Variants in CTNNA3 observed in about 807,000 individuals in gnomAD.
CTNNA3 encodes the protein catenin alpha-3.
Under a neutral mutation model 95.7 loss-of-function variants are expected in CTNNA3, and 76 were observed. That is an observed-to-expected ratio of 0.79 (90% CI 0.66 to 0.96). The LOEUF is 0.96. CTNNA3 is among the 40% of genes least tolerant of loss of function. The probability of loss-of-function intolerance (pLI) is 0.00; values close to 1 mark genes in which losing one functional copy is unlikely to be tolerated. For missense variants in CTNNA3, 1,191 were observed against 1,089.8 expected, an observed-to-expected ratio of 1.09 and a Z score of -1.31; for synonymous variants, 431 against 374.4, an observed-to-expected ratio of 1.15 and a Z score of -1.74.
intron 3 of CTNNA3, among the ~76,000 whole-genome samples, chr10:67,547,404 T>C (rs766805074): frequency 6.6e-6 from 1 of 152,200 alleles, no homozygotes; most frequent in Non-Finnish European, 1.5e-5. Flanking sequence ...CAAAGTTCTA[T>C]TCATCAAGAG....
chr10:67,220,838 C>T (rs984135399), intron 5 of CTNNA3, among the ~76,000 whole-genome samples: 13 of 152,074 alleles, frequency 8.5e-5, no homozygotes, highest in African/African-American at 2.9e-4. Context: ...ACATGGATAT[C>T]ATGTACCCCT....
At chr10:67,655,229 C>T (rs1183150093) in intron 1 of CTNNA3, among the ~76,000 whole-genome samples, 1 of 152,186 alleles carries the variant, frequency 6.6e-6, no homozygotes, top group Non-Finnish European at 1.5e-5. Flanking sequence ...CTATTCTGAT[C>T]ATGTCAACAA....
intron 12 of CTNNA3, among the ~76,000 whole-genome samples, chr10:66,297,152 G>A (rs2091792608): frequency 6.6e-6 from 1 of 152,050 alleles, no homozygotes; most frequent in South Asian, 2.1e-4. Flanking sequence ...GAGAAGAATG[G>A]CAGTAGATGT....
chr10:66,687,812 C>T (rs1847356842), intron 9 of CTNNA3, among the ~76,000 whole-genome samples: 1 of 151,860 alleles, frequency 6.6e-6, no homozygotes, highest in East Asian at 1.9e-4. Flanking sequence ...ATCTTCTAGA[C>T]TCTATATTCT....
rs186049060 is a variant in CTNNA3 at position 66,675,419 on chromosome 10, G to A, written c.1282-53635C>T. ...GGTTTAACTTCCCATCCTAAAGCTG[G>A]AAATTATATTTTGGATCTTGAAAAT... On this transcript the variant is annotated intron_variant, in intron 9 of 17. Coordinates refer to ENST00000433211, the MANE Select transcript of CTNNA3 (RefSeq NM_013266.4). 8.9e-3 allele frequency among the ~76,000 whole-genome samples: 1,359 copies of A among 151,992 alleles called. 11 individuals carry two copies. The highest frequency in any genetic ancestry group is 0.045 in the South Asian group (214 of 4,806).
At chr10:67,110,737 A>G (rs1858875319) in intron 7 of CTNNA3, among the ~76,000 whole-genome samples, 1 of 152,186 alleles carries the variant, frequency 6.6e-6, no homozygotes, top group Non-Finnish European at 1.5e-5. Flanking sequence ...ATATTTTATT[A>G]CTTTTGTTGA....
chr10:66,896,158 C>T (rs1031900172), intron 7 of CTNNA3, among the ~76,000 whole-genome samples: 5 of 151,918 alleles, frequency 3.3e-5, no homozygotes, highest in African/African-American at 1.2e-4. Context: ...ACAATAGGAA[C>T]AAGTTTAGCA....
chr10:66,021,515 G>A (rs1248014317), intron 15 of CTNNA3, among the ~76,000 whole-genome samples: 4 of 152,116 alleles, frequency 2.6e-5, no homozygotes, highest in Admixed American at 2.6e-4. Flanking sequence ...ATAGCAATAT[G>A]TTGAAAACAA....
At chr10:65,969,824 AG>A (rs1432555782) in intron 16 of CTNNA3, among the ~76,000 whole-genome samples, 1 of 152,174 alleles carries the variant, frequency 6.6e-6, no homozygotes, top group African/African-American at 2.4e-5. Context: ...ACTGAGAAAA[AG>A]ATAACAACCT....
At chr10:67,560,152 C>A (rs1164410255) in intron 3 of CTNNA3, among the ~76,000 whole-genome samples, 4 of 152,024 alleles carry the variant, frequency 2.6e-5, no homozygotes, top group Admixed American at 6.6e-5. Flanking sequence ...CAAAGATACT[C>A]CTCGAGAAGA....
intron 3 of CTNNA3, among the ~76,000 whole-genome samples, chr10:67,586,754 A>G (rs767864852): frequency 2.0e-5 from 3 of 152,104 alleles, no homozygotes; most frequent in Admixed American, 6.6e-5. Flanking sequence ...GCCAGTCTAC[A>G]TATTTAAGTG....
At chr10:66,562,668 TG>T (rs948328506) in intron 10 of CTNNA3, among the ~76,000 whole-genome samples, 2 of 152,248 alleles carry the variant, frequency 1.3e-5, no homozygotes, top group Admixed American at 6.5e-5. Context: ...TTTATTTTTG[TG>T]GTTGTCATTG....
chr10:67,706,684 G>A (rs1270125758), intron 1 of CTNNA3, among the ~76,000 whole-genome samples: 1 of 152,088 alleles, frequency 6.6e-6, no homozygotes, highest in African/African-American at 2.4e-5. Context: ...AAAAATGGCA[G>A]GCACCCACCT....
chr10:66,125,787 G>A (rs182546093), intron 13 of CTNNA3, among the ~76,000 whole-genome samples: 16 of 152,306 alleles, frequency 1.1e-4, no homozygotes, highest in Admixed American at 9.2e-4. Context: ...TGAACAGTAT[G>A]TTGAAAAGAA....
At chr10:67,327,808 G>C (rs931263473) in intron 5 of CTNNA3, among the ~76,000 whole-genome samples, 2 of 152,240 alleles carry the variant, frequency 1.3e-5, no homozygotes, top group African/African-American at 4.8e-5. Flanking sequence ...CAGTGGCAAA[G>C]TCAACGCAGC....
At chr10:66,882,226 C>G (rs145859207) in intron 7 of CTNNA3, among the ~76,000 whole-genome samples, 265 of 152,128 alleles carry the variant, frequency 1.7e-3, no homozygotes, top group African/African-American at 6.2e-3. Flanking sequence ...TACACTAATC[C>G]TGATCAGGCA....
At chr10:66,145,861 T>G (rs1291586294) in intron 13 of CTNNA3, among the ~76,000 whole-genome samples, 1 of 152,202 alleles carries the variant, frequency 6.6e-6, no homozygotes, top group Non-Finnish European at 1.5e-5. Flanking sequence ...TGGCTTTCCT[T>G]CTTTTTCTTT....
At chr10:67,179,273 A>C (rs1285264463) in intron 7 of CTNNA3, among the ~76,000 whole-genome samples, 1 of 151,984 alleles carries the variant, frequency 6.6e-6, no homozygotes, top group African/African-American at 2.4e-5. Flanking sequence ...TATTTAAGGA[A>C]TCTTCATAAT....
intron 12 of CTNNA3, among the ~76,000 whole-genome samples, chr10:66,285,430 T>C (rs1458865293): frequency 6.6e-6 from 1 of 151,868 alleles, no homozygotes; most frequent in Non-Finnish European, 1.5e-5. Context: ...ACATAATGGG[T>C]TAATATTAAT....
Sources: gnomAD v4.1 joint callset for allele counts (sites outside exome capture counted in the v4.1 genomes callset) on GRCh38, gnomAD v4.1.1 for gene constraint, MANE v1.5 for transcripts, NCBI Gene and HGNC (gene_info 2026-07-23, HGNC 2026-07-21) for gene names.